Variants in STK32B observed in about 807,000 individuals in gnomAD.
The protein encoded by STK32B is serine/threonine kinase 32B.
In STK32B, 43 loss-of-function variants were observed where a neutral mutation model predicts 52.6. That is an observed-to-expected ratio of 0.82 (90% confidence interval 0.64 to 1.05). The LOEUF (loss-of-function observed/expected upper bound fraction) is 1.05. STK32B is among the 50% of genes least tolerant of loss of function. The pLI is 0.00. For missense variants in STK32B, 621 were observed against 534.6 expected, an observed-to-expected ratio of 1.16 and a Z score of -1.59; for synonymous variants, 238 against 204.3, an observed-to-expected ratio of 1.17 and a Z score of -1.41.
Position 5,416,983 on chromosome 4 carries a change from A to G in STK32B, c.562+49A>G, listed in dbSNP as rs199793560. Reference sequence around the variant, plus strand: ...TTCATGTGATCGGGCTCACTGCCTAAGACTCAGCATCCTTCTCTTGTTTCA... The same window carrying G: ...TTCATGTGATCGGGCTCACTGCCTAGGACTCAGCATCCTTCTCTTGTTTCA... On this transcript the variant is annotated intron_variant, in intron 6 of 11. Transcript: ENST00000282908. 1.6e-5 allele frequency: 25 copies of G among 1,520,938 alleles called. No individual in the cohort carries two copies. In the Admixed American group the frequency reaches 2.4e-4, roughly 15 times the overall value. 94.2% of individuals were successfully genotyped at this position (1,520,938 alleles called of 1,614,324 possible). A position where few individuals can be genotyped will look rare whatever the true frequency, so the allele number is the denominator to read the frequency against.
intron 1 of STK32B, among the ~76,000 whole-genome samples, chr4:5,060,491 G>C (rs1188783077): frequency 1.3e-5 from 2 of 150,758 alleles, no homozygotes; most frequent in African/African-American, 4.9e-5. Context: ...TTTTCTTTTT[G>C]ATTCACTGAT....
At chr4:5,055,582 T>C (rs1741971167) in intron 1 of STK32B, among the ~76,000 whole-genome samples, 2 of 152,102 alleles carry the variant, frequency 1.3e-5, no homozygotes, top group African/African-American at 4.8e-5. Context: ...ACAACTTGCA[T>C]CGTTAAGAAA....
intron 6 of STK32B, chr4:5,437,964 T>C (rs1353208873): frequency 4.1e-6 from 4 of 985,358 alleles, no homozygotes; most frequent in Non-Finnish European, 2.4e-6. Context: ...AATGTCACCT[T>C]CTCTAGGACT....
intron 2 of STK32B, among the ~76,000 whole-genome samples, chr4:5,149,910 C>A (rs1324638500): frequency 4.0e-5 from 6 of 151,826 alleles, no homozygotes; most frequent in Non-Finnish European, 8.8e-5. Context: ...GGCATGTCTC[C>A]TCTTAATTTA....
chr4:5,187,337 C>G (rs577464687), intron 3 of STK32B, among the ~76,000 whole-genome samples: 1 of 152,308 alleles, frequency 6.6e-6, no homozygotes, highest in Admixed American at 6.5e-5. Flanking sequence ...TTATCCCACA[C>G]CTATTCAGTA....
intron 3 of STK32B, among the ~76,000 whole-genome samples, chr4:5,258,616 C>A (rs1306260627): frequency 6.6e-6 from 1 of 152,148 alleles, no homozygotes; most frequent in Non-Finnish European, 1.5e-5. Context: ...ACATCTAATC[C>A]ATGAAGAAAT....
chr4:5,028,956 G>T, the STK32B span, among the ~76,000 whole-genome samples: 1 of 152,318 alleles, frequency 6.6e-6, no homozygotes, highest in South Asian at 2.1e-4. Flanking sequence ...CACATCGCAT[G>T]GCCGGAACAA....
At position 5,469,330 on chromosome 4, in the gene STK32B, G is replaced by T. The variant is rs1717683023; in HGVS notation, c.1106+1260G>T. ...GCAGGAAACACGTGCTAAGGCCAAG[G>T]GCCACCCAGGGCAGTGCATGTCACA... is the stretch of plus-strand genomic sequence containing the variant. On this transcript the variant is annotated intron_variant, in intron 11 of 11. Coordinates refer to ENST00000282908, the MANE Select transcript of STK32B (RefSeq NM_018401.3). The surrounding 1 kb of genome is among the most constrained non-coding windows in gnomAD (Gnocchi z 4.7). Among the ~76,000 whole-genome samples, 1 of 152,230 alleles carries T rather than the reference G, an allele frequency of 6.6e-6. No individual in the cohort carries two copies.
In STK32B at chr4:5,051,714, C is replaced by G. The variant is rs1741789127; in HGVS notation, c.-150C>G. ...GGAGAAGGGGGACGCCGTCCCCGCCCCTGCACGGTGCTCGGCCCCCTCGGG... is the reference window on the plus strand; with the variant it reads ...GGAGAAGGGGGACGCCGTCCCCGCCGCTGCACGGTGCTCGGCCCCCTCGGG... On this transcript the variant is annotated 5_prime_UTR_variant, in exon 1 of 12. Coordinates refer to ENST00000282908, the MANE Select transcript of STK32B (RefSeq NM_018401.3). 3 of 995,270 alleles carry G rather than the reference C, an allele frequency of 3.0e-6. No individual in the cohort carries two copies. Among genetic ancestry groups the G allele is most frequent in the Non-Finnish European group, 4.4e-6 (3 of 687,114 alleles). 61.7% of individuals were successfully genotyped at this position (995,270 alleles called of 1,614,324 possible).
At chr4:5,201,385 A>G (rs1722130276) in intron 3 of STK32B, among the ~76,000 whole-genome samples, 1 of 152,152 alleles carries the variant, frequency 6.6e-6, no homozygotes, top group African/African-American at 2.4e-5. Context: ...CAGGACTGCC[A>G]CAGTATAGGC....
rs182189872 is a variant in STK32B, at chr4:5,100,497, T to C, written c.53-39408T>C. ...TCTTTCTTTCCTTCCTTGCCTGCTCTTTTTCTTTTTCTTCTCTCCTTCTTC... is the reference window on the plus strand; with the variant it reads ...TCTTTCTTTCCTTCCTTGCCTGCTCCTTTTCTTTTTCTTCTCTCCTTCTTC... On this transcript the variant is annotated intron_variant, in intron 1 of 11. Coordinates refer to ENST00000282908, the MANE Select transcript of STK32B (RefSeq NM_018401.3). 2.1e-4 allele frequency among the ~76,000 whole-genome samples: 23 copies of C among 109,808 alleles called. 1 individual carries two copies. The East Asian group carries it at 6.1e-3, about 29-fold the overall frequency. 72.0% of individuals were successfully genotyped at this position (109,808 alleles called of 152,430 possible). A position where few individuals can be genotyped will look rare whatever the true frequency, so the allele number is the denominator to read the frequency against.
chr4:5,460,326 T>C lies in STK32B; in HGVS notation c.909+98T>C. On this transcript the variant is annotated intron_variant, in intron 9 of 11. Transcript: ENST00000282908. The surrounding 1 kb of genome is among the most constrained non-coding windows in gnomAD (Gnocchi z 4.8). ...GGCAGCTGGCTAGTGAGCCCTCTGC[T>C]GGCCACTTCCACCTGAGCACCAAGG... The C allele has an allele frequency of 1.3e-6, 2 of 1,506,174 alleles. No individual in the cohort carries two copies. The highest frequency in any genetic ancestry group is 1.8e-6 in the Non-Finnish European group (2 of 1,124,040). The allele number at this position is 1,506,174 out of a possible 1,614,324, so 93.3% of individuals were successfully genotyped here.
In STK32B at chr4:5,168,398, C is replaced by G; in HGVS notation, c.208C>G (p.Arg70Gly). The G allele has an allele frequency of 1.9e-6, 3 of 1,613,838 alleles. No homozygotes were observed. The highest frequency in any genetic ancestry group is 2.5e-6 in the Non-Finnish European group (3 of 1,179,962). The change falls in exon 3 of 12, where the codon CGG becomes GGG. Residue 70 changes from arginine to glycine, a missense_variant. Transcript: ENST00000282908. ...IERDEVRNVF[R>G]ELQIMQGLEH... ...GAGGGATGAGGTTCGGAATGTTTTC[C>G]GGGAGCTGCAGATCATGCAAGGGCT...
At chr4:5,245,586 T>C (rs1027424953) in intron 3 of STK32B, among the ~76,000 whole-genome samples, 2 of 152,178 alleles carry the variant, frequency 1.3e-5, no homozygotes, top group African/African-American at 2.4e-5. Flanking sequence ...AAGGTTAATA[T>C]TGTTATGTGT....
At chr4:5,056,048 G>C (rs559330251) in intron 1 of STK32B, among the ~76,000 whole-genome samples, 1 of 152,278 alleles carries the variant, frequency 6.6e-6, no homozygotes, top group South Asian at 2.1e-4. Flanking sequence ...GAGGTGAGTA[G>C]CGAGTGAGGG....
At chr4:5,157,553 G>C (rs752811982) in intron 2 of STK32B, among the ~76,000 whole-genome samples, 1 of 152,154 alleles carries the variant, frequency 6.6e-6, no homozygotes, top group Admixed American at 6.5e-5. Context: ...AATGGGCCAC[G>C]TGGGGATCTG....
chr4:5,258,199 A>C (rs1236058111), intron 3 of STK32B, among the ~76,000 whole-genome samples: 1 of 152,158 alleles, frequency 6.6e-6, no homozygotes, highest in Non-Finnish European at 1.5e-5. Flanking sequence ...TAAAACAAAA[A>C]ATTATAGTGA....
chr4:5,483,187 G>C (rs929265552), intron 11 of STK32B, among the ~76,000 whole-genome samples: 2 of 151,600 alleles, frequency 1.3e-5, no homozygotes, highest in Admixed American at 6.6e-5. Flanking sequence ...TGTACCTCTG[G>C]TAGAATTTGG....
chr4:5,231,421 G>A (rs528757797), intron 3 of STK32B, among the ~76,000 whole-genome samples: 1 of 152,204 alleles, frequency 6.6e-6, no homozygotes, highest in Admixed American at 6.5e-5. Context: ...GACCAGCCTG[G>A]CCAACGTGGC....
Sources: allele counts gnomAD v4.1 joint callset (sites outside exome capture counted in the v4.1 genomes callset), GRCh38; gene constraint gnomAD v4.1.1; non-coding constraint Gnocchi (gnomAD v3.1); transcripts MANE v1.5; gene names NCBI Gene and HGNC (gene_info 2026-07-23, HGNC 2026-07-21).